Variants in CRY1 observed in about 807,000 individuals in gnomAD.
The protein encoded by CRY1 is cryptochrome-1.
CRY1 carries 45 observed loss-of-function variants against 76.0 expected under a neutral mutation model. The ratio of observed to expected loss-of-function variants is 0.59; its 90% CI spans 0.47 to 0.76. The LOEUF is 0.76. CRY1 is among the 30% of genes least tolerant of loss of function. The probability of loss-of-function intolerance (pLI) is 0.00; values close to 1 mark genes in which losing one functional copy is unlikely to be tolerated. For synonymous variants in CRY1, 248 were observed against 244.0 expected (o/e 1.02, Z -0.15); for missense variants, 587 against 716.4 (o/e 0.82, Z 2.06).
chr12:106,995,148 T>C (rs1952220037), intron 10 of CRY1, among the ~76,000 whole-genome samples: 1 of 152,148 alleles, frequency 6.6e-6, no homozygotes, highest in Admixed American at 6.5e-5. Context: ...TTACCTAATC[T>C]TTCTAGGATT....
At chr12:107,017,614 C>A (rs1389503327) in intron 2 of CRY1, among the ~76,000 whole-genome samples, 1 of 152,126 alleles carries the variant, frequency 6.6e-6, no homozygotes, top group African/African-American at 2.4e-5. Flanking sequence ...GAAGGAGCAT[C>A]CTAAGAGGGG....
At chr12:107,001,180 C>T in intron 5 of CRY1, 100 bp downstream of exon 5, 2 of 866,474 alleles carry the variant, frequency 2.3e-6, no homozygotes, top group Non-Finnish European at 3.6e-6. Flanking sequence ...TAATCCTCCC[C>T]TTTCAACAAT....
intron 1 of CRY1, chr12:107,043,148 G>C (rs990638666): frequency 6.6e-6 from 1 of 152,174 alleles, no homozygotes; most frequent in Non-Finnish European, 1.5e-5. Context: ...CCAGCCAAGT[G>C]GTCCAACATC....
At chr12:107,078,528 T>C (rs1953285290) in intron 1 of CRY1, among the ~76,000 whole-genome samples, 3 of 152,086 alleles carry the variant, frequency 2.0e-5, no homozygotes, top group Non-Finnish European at 4.4e-5. Flanking sequence ...CTGAGTTTTT[T>C]CACTGGGCTT....
chr12:107,016,039 G>C (rs1359654639), intron 2 of CRY1, among the ~76,000 whole-genome samples: 2 of 152,240 alleles, frequency 1.3e-5, no homozygotes, highest in East Asian at 3.8e-4. Flanking sequence ...GCTGGACGTG[G>C]TGGCTCACGC....
At chr12:107,021,590 T>G (rs1334807810) in intron 2 of CRY1, among the ~76,000 whole-genome samples, 1 of 152,164 alleles carries the variant, frequency 6.6e-6, no homozygotes, top group Non-Finnish European at 1.5e-5. Context: ...AAAGATATGG[T>G]TATGTGAACA....
At chr12:107,032,723 C>CAAA (rs1952691815) in intron 1 of CRY1, among the ~76,000 whole-genome samples, 1 of 152,182 alleles carries the variant, frequency 6.6e-6, no homozygotes, top group Non-Finnish European at 1.5e-5. Flanking sequence ...GTGGGAGGAT[C>CAAA]GCTCAAGCCC....
At chr12:107,001,657 T>C in intron 4 of CRY1, 107 bp downstream of exon 4, 1 of 1,017,546 alleles carries the variant, frequency 9.8e-7, no homozygotes, top group Non-Finnish European at 1.4e-6. Flanking sequence ...CCTTTCTTTC[T>C]CTCCTAATGC....
At chr12:107,011,613 A>G (rs1952444420) in intron 2 of CRY1, among the ~76,000 whole-genome samples, 1 of 152,224 alleles carries the variant, frequency 6.6e-6, no homozygotes, top group Admixed American at 6.5e-5. Flanking sequence ...GAGAGGCCCT[A>G]ACACTCTTCG....
At chr12:107,071,957 T>C (rs1953194684) in intron 1 of CRY1, among the ~76,000 whole-genome samples, 1 of 152,122 alleles carries the variant, frequency 6.6e-6, no homozygotes, top group South Asian at 2.1e-4. Flanking sequence ...AGTCAGGAAT[T>C]GTTTCACTGC....
At chr12:107,087,014 AAAAG>A (rs1005484243) in intron 1 of CRY1, among the ~76,000 whole-genome samples, 8 of 152,026 alleles carry the variant, frequency 5.3e-5, no homozygotes, top group Admixed American at 1.3e-4. Flanking sequence ...GAAAGAAAGA[AAAAG>A]AAAGAAAGGA....
At chr12:107,086,779 A>G (rs1455317629) in intron 1 of CRY1, among the ~76,000 whole-genome samples, 1 of 152,206 alleles carries the variant, frequency 6.6e-6, no homozygotes, top group East Asian at 1.9e-4. Flanking sequence ...TCCAGGCAGA[A>G]GCCTGCCACA....
intron 1 of CRY1, among the ~76,000 whole-genome samples, chr12:107,062,085 T>C (rs942064350): frequency 1.3e-5 from 2 of 151,406 alleles, no homozygotes; most frequent in Admixed American, 6.6e-5. Context: ...CCTATTATCT[T>C]ATCCTCAACA....
At position 107,000,096 on chromosome 12, in the gene CRY1, G is replaced by A. The variant is rs1377577954; in HGVS notation, c.685-14C>T. The stretch of plus-strand genomic sequence containing the variant: ...TGCCACCCAAGCCTGAAAACACACA[G>A]AGAAAATTATATTAACTAATTGTCT... On this transcript the variant is annotated splice_polypyrimidine_tract_variant and intron_variant, in intron 5 of 12. Coordinates refer to ENST00000008527, the MANE Select transcript of CRY1 (RefSeq NM_004075.5). The A allele has an allele frequency of 6.3e-7, 1 of 1,576,554 alleles. No individual in the cohort carries two copies. The highest frequency in any genetic ancestry group is 1.2e-5 in the South Asian group (1 of 83,082).
At chr12:107,046,875 G>A (rs1396642375) in intron 1 of CRY1, among the ~76,000 whole-genome samples, 1 of 152,174 alleles carries the variant, frequency 6.6e-6, no homozygotes, top group Non-Finnish European at 1.5e-5. Flanking sequence ...GGAGCACCCA[G>A]ATATAAAGCA....
At chr12:106,993,183 A>C in intron 10 of CRY1, 147 bp from the exon 11 acceptor site, 2 of 751,230 alleles carry the variant, frequency 2.7e-6, no homozygotes, top group Non-Finnish European at 2.1e-6. Context: ...TATGAACCAA[A>C]AATCACATGC....
Position 106,997,364 on chromosome 12 carries a change from A to G in CRY1, c.1515T>C (p.Ser505=). Residue 505 remains serine (S), a synonymous_variant, in exon 10 of 13, where the codon TCT becomes TCC. Transcript: ENST00000008527. The stretch of plus-strand genomic sequence containing the variant: ...TGAAGCCTCCATTCCCATTAGGATT[A>G]GAAGGTACTGATGCCAGAAGACCTA... The part of the protein sequence containing the change: ...RGLGLLASVP[S]NPNGNGGFMG... The G allele has an allele frequency of 6.2e-7, 1 of 1,614,040 alleles. No homozygotes were observed. The highest frequency in any genetic ancestry group is 1.7e-5 in the Admixed American group (1 of 60,030).
intron 1 of CRY1, among the ~76,000 whole-genome samples, chr12:107,030,680 T>C (rs1305264370): frequency 4.0e-5 from 6 of 150,304 alleles, no homozygotes; most frequent in Non-Finnish European, 7.4e-5. Context: ...TAATGATATC[T>C]ACCACAATAT....
chr12:107,005,052 G>T, intron 3 of CRY1, 54 bp downstream of exon 3: 1 of 1,531,018 alleles, frequency 6.5e-7, no homozygotes, highest in South Asian at 1.2e-5. Context: ...GGTTAAGATG[G>T]TAAATATTAT....
Sources: gnomAD v4.1 joint callset for allele counts (sites outside exome capture counted in the v4.1 genomes callset) on GRCh38, gnomAD v4.1.1 for gene constraint, MANE v1.5 for transcripts, NCBI Gene and HGNC (gene_info 2026-07-23, HGNC 2026-07-21) for gene names.